FAM13C: variants seen among roughly 807,000 people sequenced by gnomAD.
FAM13C encodes protein FAM13C.
In FAM13C, 37 loss-of-function variants were observed where a neutral mutation model predicts 73.2. That is an observed-to-expected ratio of 0.51 (90% CI 0.39 to 0.67). The LOEUF is 0.67. Ranked by LOEUF, FAM13C falls within the 30% of genes least tolerant of loss-of-function variation. FAM13C has a pLI of 0.00. For synonymous variants in FAM13C, 246 were observed against 260.9 expected (o/e 0.94, Z 0.55); for missense variants, 589 against 715.6 (o/e 0.82, Z 2.02).
chr10:59,303,810 G>C (rs1847888625), intron 4 of FAM13C, among the ~76,000 whole-genome samples: 1 of 152,142 alleles, frequency 6.6e-6, no homozygotes, highest in Admixed American at 6.5e-5. Flanking sequence ...TCAGTGATGT[G>C]AGCTTTTTTT....
At chr10:59,321,895 T>C (rs900917744) in intron 4 of FAM13C, among the ~76,000 whole-genome samples, 8 of 152,136 alleles carry the variant, frequency 5.3e-5, no homozygotes, top group African/African-American at 1.9e-4. Context: ...CTTACAGTGT[T>C]CATTATATTA....
At chr10:59,339,001 A>C (rs958316217) in intron 3 of FAM13C, among the ~76,000 whole-genome samples, 1 of 152,154 alleles carries the variant, frequency 6.6e-6, no homozygotes, top group Non-Finnish European at 1.5e-5. Flanking sequence ...TGCTCTCTCC[A>C]AAGGCTCTGG....
At chr10:59,276,158 T>C (rs1317633513) in intron 6 of FAM13C, among the ~76,000 whole-genome samples, 1 of 152,214 alleles carries the variant, frequency 6.6e-6, no homozygotes, top group Admixed American at 6.5e-5. Context: ...ATCAGCTCTA[T>C]AGATTATTGC....
chr10:59,325,959 T>C (rs906663902), intron 3 of FAM13C, among the ~76,000 whole-genome samples: 2 of 152,144 alleles, frequency 1.3e-5, no homozygotes, highest in Admixed American at 1.3e-4. Context: ...CATTAAGAAA[T>C]GGCCCCTCTG....
chr10:59,331,259 C>T (rs146232642), intron 3 of FAM13C, among the ~76,000 whole-genome samples: 8 of 152,318 alleles, frequency 5.3e-5, no homozygotes, highest in African/African-American at 1.7e-4. Flanking sequence ...ATAGGAATGA[C>T]ACCAAGCCTA....
chr10:59,258,580 A>T (rs976790686), intron 10 of FAM13C, among the ~76,000 whole-genome samples: 1 of 152,216 alleles, frequency 6.6e-6, no homozygotes, highest in African/African-American at 2.4e-5. Context: ...TAATAACAAT[A>T]GTTACCTGCT....
intron 6 of FAM13C, among the ~76,000 whole-genome samples, chr10:59,272,708 C>T (rs1843854488): frequency 1.3e-5 from 2 of 152,162 alleles, no homozygotes; most frequent in South Asian, 4.1e-4. Context: ...AGTTTCCCCA[C>T]CTCTCTTTTT....
At chr10:59,299,831 C>A (rs1050655002) in intron 5 of FAM13C, among the ~76,000 whole-genome samples, 2 of 151,970 alleles carry the variant, frequency 1.3e-5, no homozygotes, top group African/African-American at 4.8e-5. Flanking sequence ...TCATACAGCT[C>A]AGGTGAATGT....
chr10:59,352,387 A>T lies in FAM13C; in HGVS notation c.207T>A (p.Asn69Lys). The change falls in exon 3 of 14, where the codon AAT (asparagine) becomes AAA (lysine). Residue 69 changes from asparagine (N) to lysine (K), a missense_variant. Coordinates refer to ENST00000618804, the MANE Select transcript of FAM13C (RefSeq NM_198215.4). ...TGTCCACCAGCACGGTCGCCTCTAC[A>T]TTCTGCTGCTGCGGCTCCCAAGAGG... ...APPSWEPQQQ[N>K]VEATVLVDSV... The T allele has an allele frequency of 6.2e-7, 1 of 1,614,024 alleles. No homozygotes were observed. The highest frequency in any genetic ancestry group is 2.2e-5 in the East Asian group (1 of 44,876).
chr10:59,323,928 A>G, intron 4 of FAM13C, 60 bp downstream of exon 4: 1 of 1,078,866 alleles, frequency 9.3e-7, no homozygotes, highest in Admixed American at 2.0e-5. Flanking sequence ...TGGCAAGCAC[A>G]CAGCATTTCT....
chr10:59,343,761 CT>C (rs1486325353), intron 3 of FAM13C, among the ~76,000 whole-genome samples: 3 of 152,160 alleles, frequency 2.0e-5, no homozygotes, highest in Non-Finnish European at 4.4e-5. Flanking sequence ...CAGACACCTA[CT>C]GGTGACCAAT....
At position 59,340,377 on chromosome 10, in the gene FAM13C, G is replaced by A. The variant is rs150039827; in HGVS notation, c.324+11893C>T. On this transcript the variant is annotated intron_variant, in intron 3 of 13. Coordinates refer to ENST00000618804, the MANE Select transcript of FAM13C (RefSeq NM_198215.4). The stretch of plus-strand genomic sequence containing the variant: ...CTACCTTGAGCCCATCCCTATCTCA[G>A]CACAGAGTTGAGTACCTCTTGGTGG... 6.6e-5 allele frequency among the ~76,000 whole-genome samples: 10 copies of A among 152,144 alleles called. 1 individual carries two copies. In the East Asian group the frequency reaches 9.7e-4, roughly 15 times the overall value.
At chr10:59,324,961 A>C (rs545940592) in intron 3 of FAM13C, among the ~76,000 whole-genome samples, 1 of 152,348 alleles carries the variant, frequency 6.6e-6, no homozygotes, top group Admixed American at 6.5e-5. Flanking sequence ...AGCAAAAATA[A>C]AAGATTTATA....
intron 9 of FAM13C, among the ~76,000 whole-genome samples, chr10:59,263,525 AG>A (rs1311581891): frequency 6.6e-6 from 1 of 152,128 alleles, no homozygotes; most frequent in Non-Finnish European, 1.5e-5. Context: ...GTGTGGAGAG[AG>A]GAAGAAAATA....
chr10:59,287,989 G>A (rs1845800797), intron 5 of FAM13C, among the ~76,000 whole-genome samples: 1 of 152,226 alleles, frequency 6.6e-6, no homozygotes, highest in Admixed American at 6.5e-5. Context: ...CTTTAAAGGA[G>A]AGAAAAGCAA....
chr10:59,360,925 G>A (rs1361946255), intron 1 of FAM13C: 7 of 724,198 alleles, frequency 9.7e-6, no homozygotes, highest in East Asian at 7.2e-5. Context: ...TGAACCTGCC[G>A]TGCCTGTGAC....
At chr10:59,281,273 G>C (rs1844892600) in intron 6 of FAM13C, among the ~76,000 whole-genome samples, 1 of 152,164 alleles carries the variant, frequency 6.6e-6, no homozygotes, top group African/African-American at 2.4e-5. Flanking sequence ...CCATGGATCT[G>C]AGCATAAATT....
intron 2 of FAM13C, among the ~76,000 whole-genome samples, chr10:59,353,217 A>G (rs187474097): frequency 6.6e-6 from 1 of 152,310 alleles, no homozygotes; most frequent in East Asian, 1.9e-4. Context: ...CAAATTCTGT[A>G]CAATATCCCT....
intron 6 of FAM13C, among the ~76,000 whole-genome samples, chr10:59,274,736 A>G (rs1844134738): frequency 6.6e-6 from 1 of 152,198 alleles, no homozygotes; most frequent in Non-Finnish European, 1.5e-5. Context: ...GAATTTGAGC[A>G]ATAACCAAGG....
Sources: allele counts gnomAD v4.1 joint callset (sites outside exome capture counted in the v4.1 genomes callset), GRCh38; gene constraint gnomAD v4.1.1; transcripts MANE v1.5; gene names NCBI Gene and HGNC (gene_info 2026-07-23, HGNC 2026-07-21).